The following C1QTNF3 variants were observed in gnomAD, a reference collection of about 807,000 sequenced individuals.
C1QTNF3 encodes the protein complement C1q tumor necrosis factor-related protein 3.
In C1QTNF3, 26 loss-of-function variants were observed where a neutral mutation model predicts 32.6. The ratio of observed to expected loss-of-function variants is 0.80; its 90% CI spans 0.58 to 1.11. C1QTNF3 has a LOEUF of 1.11. Ranked by LOEUF, C1QTNF3 falls within the 50% of genes least tolerant of loss-of-function variation. C1QTNF3 has a pLI of 0.00. For synonymous variants in C1QTNF3, 155 were observed against 146.0 expected (o/e 1.06, Z -0.44); for missense variants, 362 against 398.2 (o/e 0.91, Z 0.77).
At chr5:34,204,301 T>A in the C1QTNF3 span, among the ~76,000 whole-genome samples, 1 of 152,198 alleles carries the variant, frequency 6.6e-6, no homozygotes, top group Non-Finnish European at 1.5e-5. Flanking sequence ...ATGAAAAAGG[T>A]ATCTGCACCC....
At chr5:34,206,943 T>C in the C1QTNF3 span, among the ~76,000 whole-genome samples, 9 of 152,192 alleles carry the variant, frequency 5.9e-5, no homozygotes, top group African/African-American at 1.9e-4. Context: ...GAGCAAACCC[T>C]GACAGGGTGA....
the C1QTNF3 span, among the ~76,000 whole-genome samples, chr5:34,116,648 G>A: frequency 1.3e-5 from 2 of 151,130 alleles, no homozygotes; most frequent in African/African-American, 2.4e-5. Flanking sequence ...AGGCTGGAGT[G>A]CAGAGATGCT....
chr5:34,029,307 T>C (rs1754553883), intron 3 of C1QTNF3, among the ~76,000 whole-genome samples: 1 of 152,102 alleles, frequency 6.6e-6, no homozygotes, highest in Admixed American at 6.5e-5. Flanking sequence ...TAATTTCTTT[T>C]TTTTTTTTTC....
At chr5:34,116,231 G>A in the C1QTNF3 span, among the ~76,000 whole-genome samples, 1 of 151,938 alleles carries the variant, frequency 6.6e-6, no homozygotes. Flanking sequence ...AATATAATTT[G>A]TATTATTGCA....
At chr5:34,063,846 A>T in the C1QTNF3 span, among the ~76,000 whole-genome samples, 1 of 152,164 alleles carries the variant, frequency 6.6e-6, no homozygotes, top group Non-Finnish European at 1.5e-5. Flanking sequence ...TTCAGAGGTA[A>T]GGAGAATTTT....
the C1QTNF3 span, among the ~76,000 whole-genome samples, chr5:34,135,693 CA>C: frequency 6.8e-6 from 1 of 147,448 alleles, no homozygotes; most frequent in Non-Finnish European, 1.5e-5. Context: ...AACAAACAAA[CA>C]AAAAACAAAG....
chr5:34,037,782 G>T (rs910052692), intron 1 of C1QTNF3, among the ~76,000 whole-genome samples: 1 of 152,130 alleles, frequency 6.6e-6, no homozygotes, highest in African/African-American at 2.4e-5. Context: ...TTTATCTGAG[G>T]GATTTCAGGA....
chr5:34,124,012 T>C, the C1QTNF3 span: 3 of 154,496 alleles, frequency 1.9e-5, no homozygotes, highest in South Asian at 2.0e-4. Flanking sequence ...AATCAGCTTA[T>C]AATATCGTTG....
rs372774687 is a variant in C1QTNF3, at chr5:34,020,287, G to GA, written c.*295dup. Reference sequence around the variant, plus strand: ...TTCTTTGCAAATGACTTCTGTGATAGAAAAAAATATTTCCAACCTGCGTCA... The same window carrying GA: ...TTCTTTGCAAATGACTTCTGTGATAGAAAAAAAATATTTCCAACCTGCGTCA... On this transcript the variant is annotated 3_prime_UTR_variant, in exon 6 of 6. Transcript: ENST00000382065. The GA allele has an allele frequency of 1.5e-5, 4 of 268,824 alleles. No individual in the cohort carries two copies. The highest frequency in any genetic ancestry group is 4.8e-5 in the Admixed American group (1 of 20,878). The allele number at this position is 268,824 out of a possible 1,614,324, so 16.7% of individuals were successfully genotyped here. A position where few individuals can be genotyped will look rare whatever the true frequency, so the allele number is the denominator to read the frequency against.
At chr5:34,114,798 T>C in the C1QTNF3 span, among the ~76,000 whole-genome samples, 1 of 151,944 alleles carries the variant, frequency 6.6e-6, no homozygotes, top group African/African-American at 2.4e-5. Flanking sequence ...CAGCCATCTC[T>C]CTTCTAACAC....
At chr5:34,208,245 C>T in the C1QTNF3 span, among the ~76,000 whole-genome samples, 2 of 152,362 alleles carry the variant, frequency 1.3e-5, no homozygotes, top group African/African-American at 2.4e-5. Flanking sequence ...TATTTTATCA[C>T]ATTTTCTTCT....
At chr5:34,183,667 C>T in the C1QTNF3 span, among the ~76,000 whole-genome samples, 1 of 150,718 alleles carries the variant, frequency 6.6e-6, no homozygotes, top group African/African-American at 2.5e-5. Flanking sequence ...ACCACAATTA[C>T]TAATTACTCC....
At chr5:34,223,880 A>T in the C1QTNF3 span, among the ~76,000 whole-genome samples, 1 of 152,156 alleles carries the variant, frequency 6.6e-6, no homozygotes, top group Non-Finnish European at 1.5e-5. Context: ...TGCAGATGAC[A>T]TGATTGTATA....
At position 34,020,108 on chromosome 5, in the gene C1QTNF3, T is replaced by C. The variant is rs1754287785; in HGVS notation, c.*475A>G. The C allele has an allele frequency of 6.4e-6, 1 of 156,854 alleles. No individual in the cohort carries two copies. 9.7% of individuals were successfully genotyped at this position (156,854 alleles called of 1,614,324 possible). A position where few individuals can be genotyped will look rare whatever the true frequency, so the allele number is the denominator to read the frequency against. On this transcript the variant is annotated 3_prime_UTR_variant, in exon 6 of 6. Coordinates refer to ENST00000382065, the MANE Select transcript of C1QTNF3 (RefSeq NM_181435.6). ...AGGCTAAGCTGAACACGGAGGGCAC[T>C]AAATTAGCTAATAAGGCAGCTAGTG...
At chr5:34,144,897 A>G in the C1QTNF3 span, among the ~76,000 whole-genome samples, 5 of 152,182 alleles carry the variant, frequency 3.3e-5, no homozygotes, top group Non-Finnish European at 7.3e-5. Context: ...TGGGAGGCTG[A>G]GGCAGGTGGA....
the C1QTNF3 span, among the ~76,000 whole-genome samples, chr5:34,177,523 G>A: frequency 8.4e-6 from 1 of 118,358 alleles, no homozygotes; most frequent in Non-Finnish European, 1.6e-5. Flanking sequence ...GTCTTGCTCT[G>A]TCGCCCAGGC....
the C1QTNF3 span, among the ~76,000 whole-genome samples, chr5:34,230,647 C>G: frequency 6.6e-6 from 1 of 152,102 alleles, no homozygotes; most frequent in African/African-American, 2.4e-5. Context: ...TAAACTAAAT[C>G]TAGTTTGTAT....
the C1QTNF3 span, among the ~76,000 whole-genome samples, chr5:34,216,244 C>T: frequency 2.6e-4 from 39 of 152,254 alleles, no homozygotes; most frequent in South Asian, 1.4e-3. Flanking sequence ...CTTTCTTGCT[C>T]TTTTGTTGTT....
chr5:34,067,009 T>G, the C1QTNF3 span, among the ~76,000 whole-genome samples: 1 of 152,092 alleles, frequency 6.6e-6, no homozygotes, highest in Admixed American at 6.5e-5. Context: ...AAATCATTTC[T>G]CTCAAGTTCA....
Sources: gnomAD v4.1 joint callset for allele counts (sites outside exome capture counted in the v4.1 genomes callset) on GRCh38, gnomAD v4.1.1 for gene constraint, MANE v1.5 for transcripts, NCBI Gene and HGNC (gene_info 2026-07-23, HGNC 2026-07-21) for gene names.